The following HS6ST3 variants were observed in gnomAD, a reference collection of about 807,000 sequenced individuals.
HS6ST3 encodes the protein heparan sulfate 6-O-sulfotransferase 3.
Under a neutral mutation model 36.7 loss-of-function variants are expected in HS6ST3, and 12 were observed. That is an observed-to-expected ratio of 0.33 (90% CI 0.21 to 0.53). The LOEUF is 0.53. Ranked by LOEUF, HS6ST3 falls within the 20% of genes least tolerant of loss-of-function variation. HS6ST3 has a pLI of 0.95. For missense variants in HS6ST3, 584 were observed against 640.9 expected, an observed-to-expected ratio of 0.91 and a Z score of 0.96; for synonymous variants, 240 against 257.5, an observed-to-expected ratio of 0.93 and a Z score of 0.65.
At chr13:96,230,291 A>G (rs966120649) in intron 1 of HS6ST3, among the ~76,000 whole-genome samples, 1 of 152,172 alleles carries the variant, frequency 6.6e-6, no homozygotes, top group Non-Finnish European at 1.5e-5. Context: ...GTGAGAAATG[A>G]TGAAAAGTTA....
In HS6ST3 at chr13:96,092,594, C is replaced by A. The variant is rs138101139; in HGVS notation, c.707+1025C>A. On this transcript the variant is annotated intron_variant, in intron 1 of 1. Coordinates refer to ENST00000376705, the MANE Select transcript of HS6ST3 (RefSeq NM_153456.4). The stretch of plus-strand genomic sequence containing the variant: ...AACACTAGTTCATTGAAGTTTTTAT[C>A]TTAAAGGTTTCAAACAATTTGGTAT... Among the ~76,000 whole-genome samples the A allele has an allele frequency of 1.3e-4, 20 of 152,222 alleles. 1 individual carries two copies. The East Asian group carries it at 3.9e-3, about 29-fold the overall frequency.
chr13:96,424,176 C>T (rs748980480), intron 1 of HS6ST3, among the ~76,000 whole-genome samples: 8 of 152,034 alleles, frequency 5.3e-5, no homozygotes, highest in East Asian at 1.9e-4. Context: ...ACCAAACAAA[C>T]GAATTCCAAA....
At chr13:96,281,015 T>A (rs78192496) in intron 1 of HS6ST3, among the ~76,000 whole-genome samples, 1,743 of 152,218 alleles carry the variant, frequency 0.011, 36 homozygotes, top group African/African-American at 0.04. Context: ...TGTATCTTTT[T>A]TTTCTTTTTT....
intron 1 of HS6ST3, among the ~76,000 whole-genome samples, chr13:96,594,767 A>G (rs1401370278): frequency 1.3e-5 from 2 of 152,310 alleles, no homozygotes; most frequent in Non-Finnish European, 2.9e-5. Context: ...ACACACCACC[A>G]TTATAATATT....
chr13:96,298,868 A>G (rs1348270927), intron 1 of HS6ST3, among the ~76,000 whole-genome samples: 2 of 152,194 alleles, frequency 1.3e-5, no homozygotes, highest in African/African-American at 4.8e-5. Context: ...AAGAAATTTT[A>G]TATTGCAGGA....
intron 1 of HS6ST3, among the ~76,000 whole-genome samples, chr13:96,493,325 C>CT (rs1350446788): frequency 6.6e-6 from 1 of 152,150 alleles, no homozygotes; most frequent in East Asian, 1.9e-4. Flanking sequence ...AAGTAATACT[C>CT]TAAGATCTCT....
At chr13:96,378,200 A>G (rs781473254) in intron 1 of HS6ST3, among the ~76,000 whole-genome samples, 32 of 152,156 alleles carry the variant, frequency 2.1e-4, no homozygotes, top group Non-Finnish European at 4.4e-4. Context: ...GTGCTCTCCC[A>G]GGAAACACAG....
chr13:96,636,895 C>T (rs144153892), intron 1 of HS6ST3, among the ~76,000 whole-genome samples: 165 of 152,004 alleles, frequency 1.1e-3, no homozygotes, highest in East Asian at 9.5e-3. Flanking sequence ...AAATCATATT[C>T]GGCTTTAGGG....
At chr13:96,304,931 G>A (rs2054904827) in intron 1 of HS6ST3, among the ~76,000 whole-genome samples, 2 of 151,524 alleles carry the variant, frequency 1.3e-5, no homozygotes, top group Non-Finnish European at 1.5e-5. Flanking sequence ...GGCTGGTCTC[G>A]AACTTAACCT....
At chr13:96,750,974 C>T (rs1876686592) in intron 1 of HS6ST3, among the ~76,000 whole-genome samples, 1 of 152,274 alleles carries the variant, frequency 6.6e-6, no homozygotes. Context: ...TTCTTCCATA[C>T]ACAGAGAATC....
intron 1 of HS6ST3, among the ~76,000 whole-genome samples, chr13:96,255,546 A>T (rs1309994815): frequency 1.3e-5 from 2 of 152,162 alleles, no homozygotes; most frequent in Non-Finnish European, 2.9e-5. Context: ...AGGGCTCTCA[A>T]CTTCACAGAA....
chr13:96,655,603 C>T (rs1201832160), intron 1 of HS6ST3, among the ~76,000 whole-genome samples: 1 of 151,892 alleles, frequency 6.6e-6, no homozygotes, highest in African/African-American at 2.4e-5. Context: ...TATAATGAGC[C>T]ATCTCTAGGA....
chr13:96,254,849 G>T (rs2054629318), intron 1 of HS6ST3, among the ~76,000 whole-genome samples: 1 of 152,094 alleles, frequency 6.6e-6, no homozygotes, highest in Non-Finnish European at 1.5e-5. Flanking sequence ...TTCCAGAAAA[G>T]AGAAGGTTGT....
chr13:96,711,646 G>A (rs907348445), intron 1 of HS6ST3, among the ~76,000 whole-genome samples: 1 of 152,076 alleles, frequency 6.6e-6, no homozygotes, highest in African/African-American at 2.4e-5. Context: ...TTCTAAGGAT[G>A]TCTCTTTATC....
intron 1 of HS6ST3, among the ~76,000 whole-genome samples, chr13:96,754,099 G>A (rs972706274): frequency 2.0e-5 from 3 of 152,130 alleles, no homozygotes; most frequent in Non-Finnish European, 2.9e-5. Flanking sequence ...GATTACAGGC[G>A]TGAGCCACTG....
At chr13:96,541,095 C>G (rs529930572) in intron 1 of HS6ST3, among the ~76,000 whole-genome samples, 1 of 152,136 alleles carries the variant, frequency 6.6e-6, no homozygotes, top group East Asian at 1.9e-4. Flanking sequence ...TGCAATGGCG[C>G]GATCTCGGCT....
intron 1 of HS6ST3, among the ~76,000 whole-genome samples, chr13:96,185,995 G>A (rs1004349395): frequency 4.6e-5 from 7 of 152,166 alleles, no homozygotes; most frequent in African/African-American, 1.7e-4. Context: ...TTATGTGTAT[G>A]CATGGATCTG....
chr13:96,409,065 A>G (rs966525573), intron 1 of HS6ST3, among the ~76,000 whole-genome samples: 1 of 152,252 alleles, frequency 6.6e-6, no homozygotes, highest in Non-Finnish European at 1.5e-5. Flanking sequence ...AGTAAACTGT[A>G]ATAACCTCTA....
At chr13:96,823,230 G>T (rs1878573774) in intron 1 of HS6ST3, among the ~76,000 whole-genome samples, 1 of 152,150 alleles carries the variant, frequency 6.6e-6, no homozygotes, top group Non-Finnish European at 1.5e-5. Context: ...GAAACAGGAG[G>T]GATTCTCTTG....
Sources: gnomAD v4.1 joint callset for allele counts (sites outside exome capture counted in the v4.1 genomes callset) on GRCh38, gnomAD v4.1.1 for gene constraint, MANE v1.5 for transcripts, NCBI Gene and HGNC (gene_info 2026-07-23, HGNC 2026-07-21) for gene names.